The following PNPLA3 variants were observed in gnomAD, a reference collection of about 807,000 sequenced individuals.
PNPLA3 encodes the protein 1-acylglycerol-3-phosphate O-acyltransferase PNPLA3.
Under a neutral mutation model 43.1 loss-of-function variants are expected in PNPLA3, and 42 were observed. The ratio of observed to expected loss-of-function variants is 0.97; its 90% CI spans 0.76 to 1.26. The LOEUF (loss-of-function observed/expected upper bound fraction) is 1.26, where lower values mean the gene tolerates loss of function less well. PNPLA3 is among the 50% of genes most tolerant of loss of function. The pLI is 0.00. For synonymous variants in PNPLA3, 272 were observed against 253.6 expected, an observed-to-expected ratio of 1.07 and a Z score of -0.69; for missense variants, 647 against 621.4, an observed-to-expected ratio of 1.04 and a Z score of -0.44.
chr22:43,924,294 G>T, intron 1 of PNPLA3, 196 bp downstream of exon 1: 1 of 667,178 alleles, frequency 1.5e-6, no homozygotes, highest in Non-Finnish European at 2.3e-6. Flanking sequence ...GGAAGGGGGC[G>T]TTGGAACCCC....
At chr22:43,937,932 C>A (rs2050006441) in intron 6 of PNPLA3, among the ~76,000 whole-genome samples, 1 of 152,068 alleles carries the variant, frequency 6.6e-6, no homozygotes, top group Admixed American at 6.6e-5. Flanking sequence ...GGAGGTGGGG[C>A]CTTTGGGAGG....
At chr22:43,926,821 G>GTACT in intron 1 of PNPLA3, 114 bp from the exon 2 acceptor site, 1 of 832,004 alleles carries the variant, frequency 1.2e-6, no homozygotes, top group South Asian at 1.6e-5. Context: ...ATAGTAGACA[G>GTACT]TACTGGTCTA....
intron 6 of PNPLA3, among the ~76,000 whole-genome samples, chr22:43,939,132 G>A (rs2050014829): frequency 6.6e-6 from 1 of 152,062 alleles, no homozygotes; most frequent in African/African-American, 2.4e-5. Context: ...CACCATGTTG[G>A]CCAGGCTGGT....
chr22:43,945,872 G>A (rs1231587900), intron 8 of PNPLA3, among the ~76,000 whole-genome samples: 1 of 152,164 alleles, frequency 6.6e-6, no homozygotes, highest in Non-Finnish European at 1.5e-5. Context: ...AGGTTTGTGT[G>A]GGGGAAACTG....
chr22:43,942,701 C>CTTTTT lies in PNPLA3; in HGVS notation c.1113-1975_1113-1971dup, dbSNP rs398037291. 6.2e-4 allele frequency among the ~76,000 whole-genome samples: 71 copies of CTTTTT among 113,666 alleles called. 1 individual carries two copies. The highest frequency in any genetic ancestry group is 1.9e-3 in the East Asian group (7 of 3,714). The allele number at this position is 113,666 out of a possible 152,430, so 74.6% of individuals were successfully genotyped here. A position where few individuals can be genotyped will look rare whatever the true frequency, so the allele number is the denominator to read the frequency against. On this transcript the variant is annotated intron_variant, in intron 7 of 8. Coordinates refer to ENST00000216180, the MANE Select transcript of PNPLA3 (RefSeq NM_025225.3). ...TTCCTTCCCTTCCATTTTCTTTTTT[C>CTTTTT]TTTTTTTTTTTTTTTTTTTGAGACA...
chr22:43,930,778 T>C (rs887737079), intron 3 of PNPLA3, among the ~76,000 whole-genome samples: 55 of 152,182 alleles, frequency 3.6e-4, no homozygotes, highest in Admixed American at 1.0e-3. Flanking sequence ...GGAGTAGGCA[T>C]TGGGTCTGTG....
rs1427142196 is a variant in PNPLA3, at chr22:43,933,055, C to A, written c.664C>A (p.Leu222Ile). The change falls in exon 4 of 9, where the codon CTC becomes ATC. Residue 222 changes from leucine (L) to isoleucine (I), a missense_variant. Leu to Ile is a conservative substitution (Grantham distance 5, BLOSUM62 2). Transcript: ENST00000216180. Reference protein sequence around the residue: ...LRLCTGNLYLLSRAFVPPDLK... With the variant: ...LRLCTGNLYLISRAFVPPDLK... ...CCTCTGCACAGGGAACCTCTACCTT[C>A]TCTCGAGAGCTTTTGTCCCCCCGGA... The A allele has an allele frequency of 6.2e-7, 1 of 1,613,944 alleles. No homozygotes were observed. The highest frequency in any genetic ancestry group is 8.5e-7 in the Non-Finnish European group (1 of 1,180,046).
Position 43,946,634 on chromosome 22 carries a change from A to G in PNPLA3, c.*252A>G. On this transcript the variant is annotated 3_prime_UTR_variant, in exon 9 of 9. Coordinates refer to ENST00000216180, the MANE Select transcript of PNPLA3 (RefSeq NM_025225.3). The stretch of plus-strand genomic sequence containing the variant: ...GAAATGACACCAGGAAGCCCAGTGC[A>G]GAGGGTCCCTTACTGACTGTTTCGT... 1 of 694,612 alleles carries G rather than the reference A, an allele frequency of 1.4e-6. No individual in the cohort carries two copies. Among genetic ancestry groups the G allele is most frequent in the Admixed American group, 1.8e-5 (1 of 55,712 alleles). The allele number at this position is 694,612 out of a possible 1,614,324, so 43.0% of individuals were successfully genotyped here.
chr22:43,945,701 G>T (rs1603417538), intron 8 of PNPLA3, among the ~76,000 whole-genome samples: 1 of 152,158 alleles, frequency 6.6e-6, no homozygotes, highest in Non-Finnish European at 1.5e-5. Context: ...AGCAAGGGGG[G>T]CTGCCAGGGC....
chr22:43,940,151 C>G (rs1033755543), intron 7 of PNPLA3, 26 bp downstream of exon 7: 2 of 1,606,396 alleles, frequency 1.2e-6, no homozygotes, highest in African/African-American at 2.7e-5. Context: ...GGCTCCGTGT[C>G]TTCCTCACAG....
intron 5 of PNPLA3, 39 bp downstream of exon 5, chr22:43,934,705 C>T (rs1477402238): frequency 1.3e-6 from 2 of 1,558,262 alleles, no homozygotes; most frequent in Admixed American, 3.3e-5. Flanking sequence ...GCCCTTTTGA[C>T]AAGCATTTAC....
At chr22:43,924,332 C>A (rs1421059336) in intron 1 of PNPLA3, 4 of 520,580 alleles carry the variant, frequency 7.7e-6, no homozygotes, top group East Asian at 7.1e-5. Flanking sequence ...GCCTGGGACT[C>A]TCGTGCGTCC....
intron 1 of PNPLA3, among the ~76,000 whole-genome samples, chr22:43,926,455 T>C (rs1440459595): frequency 6.6e-6 from 1 of 152,162 alleles, no homozygotes; most frequent in African/African-American, 2.4e-5. Context: ...TCCTGGCCTC[T>C]ATGTGGGGCA....
chr22:43,928,866 AT>A lies in PNPLA3; in HGVS notation c.464del (p.Ile155ThrfsTer15). ...SCFIPFYSGL[I>X]PPSFRGVRYV... ...CTTCATCCCCTTCTACAGTGGCCTT[AT>A]CCCTCCTTCCTTCAGAGGCGTGGTA... On this transcript the variant is annotated frameshift_variant, in exon 3 of 9. Transcript: ENST00000216180. LOFTEE classifies it high-confidence loss of function. 1 of 1,612,428 alleles carries A rather than the reference AT, an allele frequency of 6.2e-7. No homozygotes were observed. The highest frequency in any genetic ancestry group is 8.5e-7 in the Non-Finnish European group (1 of 1,178,622).
intron 1 of PNPLA3, among the ~76,000 whole-genome samples, chr22:43,925,204 C>T (rs73888493): frequency 0.027 from 4,168 of 152,226 alleles, 200 homozygotes; most frequent in African/African-American, 0.094. Context: ...CTCCCCTCTC[C>T]GGCTCAGTAC....
At chr22:43,932,309 A>G (rs970522501) in intron 3 of PNPLA3, among the ~76,000 whole-genome samples, 3 of 152,192 alleles carry the variant, frequency 2.0e-5, no homozygotes, top group Non-Finnish European at 4.4e-5. Flanking sequence ...TCCCAGGTTC[A>G]TTGTTTCATT....
chr22:43,936,357 T>C (rs191995087), intron 5 of PNPLA3, among the ~76,000 whole-genome samples: 5 of 152,216 alleles, frequency 3.3e-5, no homozygotes, highest in African/African-American at 4.8e-5. Flanking sequence ...CTCTTCAGCC[T>C]GAAGTTGGAA....
intron 7 of PNPLA3, 130 bp from the exon 8 acceptor site, chr22:43,944,561 T>C: frequency 1.4e-6 from 1 of 726,630 alleles, no homozygotes; most frequent in Non-Finnish European, 2.4e-6. Context: ...TGTCCTAGCA[T>C]CCCAGATCCA....
At chr22:43,939,508 C>A in intron 6 of PNPLA3, 1 of 823,364 alleles carries the variant, frequency 1.2e-6, no homozygotes, top group Non-Finnish European at 1.5e-6. Flanking sequence ...CTTCACACTG[C>A]CCTTGCTGTG....
Sources: gnomAD v4.1 joint callset for allele counts (sites outside exome capture counted in the v4.1 genomes callset) on GRCh38, gnomAD v4.1.1 for gene constraint, MANE v1.5 for transcripts, NCBI Gene and HGNC (gene_info 2026-07-23, HGNC 2026-07-21) for gene names.